The following RAB3GAP1 variants were observed in gnomAD, a reference collection of about 807,000 sequenced individuals.
The protein encoded by RAB3GAP1 is rab3 GTPase-activating protein catalytic subunit.
A neutral mutation model predicts 130.7 loss-of-function variants in RAB3GAP1; 86 were observed. That is an observed-to-expected ratio of 0.66 (90% CI 0.55 to 0.79). The LOEUF (loss-of-function observed/expected upper bound fraction) is 0.79, where lower values mean the gene tolerates loss of function less well. Among genes scored for constraint, RAB3GAP1 ranks in the 30% least tolerant of loss-of-function variants. RAB3GAP1 has a pLI of 0.00. For missense variants in RAB3GAP1, 1,029 were observed against 1,169.4 expected (o/e 0.88, Z 1.75); for synonymous variants, 367 against 401.7 (o/e 0.91, Z 1.03).
rs974344967 is a variant in RAB3GAP1 at position 135,139,142 on chromosome 2, G to A, written c.1923+3210G>A. ...CATATGAATTCTTCATATTTTAGATGTGAATCTACAGTTATATATATTGTA... is the reference window on the plus strand; with the variant it reads ...CATATGAATTCTTCATATTTTAGATATGAATCTACAGTTATATATATTGTA... On this transcript the variant is annotated intron_variant, in intron 17 of 23. Coordinates refer to ENST00000264158, the MANE Select transcript of RAB3GAP1 (RefSeq NM_012233.3). 9.2e-5 allele frequency among the ~76,000 whole-genome samples: 14 copies of A among 152,212 alleles called. No individual in the cohort carries two copies. The East Asian group carries it at 1.5e-3, about 17-fold the overall frequency.
At chr2:135,085,388 A>G (rs1689945308) in intron 3 of RAB3GAP1, among the ~76,000 whole-genome samples, 1 of 152,206 alleles carries the variant, frequency 6.6e-6, no homozygotes, top group African/African-American at 2.4e-5. Context: ...GAATATTTTA[A>G]GTGGAGGAGG....
chr2:135,062,523 T>G (rs1240452923), intron 3 of RAB3GAP1, among the ~76,000 whole-genome samples: 3 of 152,246 alleles, frequency 2.0e-5, no homozygotes, highest in Admixed American at 6.5e-5. Flanking sequence ...CTTTTGTGTT[T>G]CAATTATGAA....
chr2:135,135,731 T>C lies in RAB3GAP1; in HGVS notation c.1722T>C (p.Ser574=). The change falls in exon 17 of 24, where the codon TCT becomes TCC. Residue 574 remains serine (S), a synonymous_variant. Transcript: ENST00000264158. ...TDKEKGEVGK[S]WDSWSDSEEE... ...AGGAAAAGGGAGAGGTAGGAAAATC[T>C]TGGGATTCCTGGAGTGACAGCGAAG... 1.2e-6 allele frequency: 2 copies of C among 1,614,000 alleles called. No homozygotes were observed. Among genetic ancestry groups the C allele is most frequent in the Non-Finnish European group, 1.7e-6 (2 of 1,179,934 alleles).
At chr2:135,117,774 TCTG>T (rs1691066263) in intron 7 of RAB3GAP1, among the ~76,000 whole-genome samples, 3 of 147,604 alleles carry the variant, frequency 2.0e-5, no homozygotes, top group African/African-American at 2.5e-5. Context: ...TGCTGCTTCT[TCTG>T]CTTCTTCTGC....
intron 3 of RAB3GAP1, among the ~76,000 whole-genome samples, chr2:135,088,758 TG>T (rs1321282777): frequency 6.6e-6 from 1 of 151,768 alleles, no homozygotes; most frequent in African/African-American, 2.4e-5. Flanking sequence ...TTGATGGGGT[TG>T]TTTTTTCTTG....
At chr2:135,060,052 T>C (rs1316960348) in intron 3 of RAB3GAP1, among the ~76,000 whole-genome samples, 1 of 152,178 alleles carries the variant, frequency 6.6e-6, no homozygotes, top group African/African-American at 2.4e-5. Context: ...CCTTTAATTA[T>C]GGAAAATTTC....
chr2:135,146,618 T>G (rs1692001795), intron 17 of RAB3GAP1, among the ~76,000 whole-genome samples: 1 of 152,220 alleles, frequency 6.6e-6, no homozygotes, highest in African/African-American at 2.4e-5. Flanking sequence ...ATATCCTGCA[T>G]CACCATTTAT....
At chr2:135,104,345 A>T (rs567496101) in intron 5 of RAB3GAP1, among the ~76,000 whole-genome samples, 1 of 152,334 alleles carries the variant, frequency 6.6e-6, no homozygotes, top group African/African-American at 2.4e-5. Context: ...GTTTTCAACC[A>T]CAAATTACTA....
Position 135,130,727 on chromosome 2 carries a change from T to G in RAB3GAP1, c.1236+6T>G. On this transcript the variant is annotated splice_donor_region_variant and intron_variant, in intron 13 of 23. Transcript: ENST00000264158. ...TTCTTAATACTATTCTCCTGGTAAC[T>G]AAATGTTCTGTCTTTATAGGTCTAT... 6.2e-7 allele frequency: 1 copy of G among 1,607,284 alleles called. No homozygotes were observed. The highest frequency in any genetic ancestry group is 1.7e-4 in the Middle Eastern group (1 of 6,044).
chr2:135,059,921 T>C (rs576992838), intron 3 of RAB3GAP1, among the ~76,000 whole-genome samples: 16 of 152,296 alleles, frequency 1.1e-4, no homozygotes, highest in Non-Finnish European at 2.1e-4. Flanking sequence ...GGACAGGGAT[T>C]GTTTGGTGTA....
At chr2:135,135,411 C>G (rs1691650312) in intron 16 of RAB3GAP1, 92 bp downstream of exon 16, 1 of 1,444,742 alleles carries the variant, frequency 6.9e-7, no homozygotes, top group Admixed American at 1.7e-5. Flanking sequence ...ATGCTGTTCT[C>G]ATGGTGCTGC....
intron 17 of RAB3GAP1, among the ~76,000 whole-genome samples, chr2:135,148,354 G>C (rs1013855331): frequency 6.6e-6 from 1 of 152,090 alleles, no homozygotes; most frequent in African/African-American, 2.4e-5. Flanking sequence ...ACATACTTCT[G>C]TGTTCCATTT....
intron 7 of RAB3GAP1, among the ~76,000 whole-genome samples, chr2:135,118,973 C>T (rs766290018): frequency 3.5e-4 from 54 of 152,132 alleles, no homozygotes; most frequent in Non-Finnish European, 6.9e-4. Context: ...TTGTCAGTGC[C>T]GCCTTCCACA....
At chr2:135,137,818 TG>T (rs1414568792) in intron 17 of RAB3GAP1, among the ~76,000 whole-genome samples, 13 of 151,870 alleles carry the variant, frequency 8.6e-5, no homozygotes, top group South Asian at 6.2e-4. Context: ...GGTTTTGTTT[TG>T]TTTTTTTTTT....
chr2:135,150,439 C>T lies in RAB3GAP1; in HGVS notation c.1994C>T (p.Ala665Val), dbSNP rs1356703191. 6.2e-7 allele frequency: 1 copy of T among 1,614,178 alleles called. No homozygotes were observed. The highest frequency in any genetic ancestry group is 8.5e-7 in the Non-Finnish European group (1 of 1,180,044). Residue 665 changes from alanine (A) to valine (V), a missense_variant, in exon 18 of 24, where the codon GCA becomes GTA. Physicochemically the swap from Ala to Val is moderately conservative, Grantham distance 64. Coordinates refer to ENST00000264158, the MANE Select transcript of RAB3GAP1 (RefSeq NM_012233.3). ...GTTTTAGCTAAATTAGGTACATCGG[C>T]AGAGGGGGCTCACCTTCGAGCACGC... ...SEVLAKLGTS[A>V]EGAHLRARMQ... is the part of the protein sequence containing the mutation.
chr2:135,072,414 A>G (rs2104843980), intron 3 of RAB3GAP1, among the ~76,000 whole-genome samples: 1 of 152,372 alleles, frequency 6.6e-6, no homozygotes, highest in South Asian at 2.1e-4. Context: ...GCCAGTTATC[A>G]AAAAGGCAAA....
At chr2:135,059,507 ATTT>A (rs946207611) in intron 3 of RAB3GAP1, among the ~76,000 whole-genome samples, 3 of 152,144 alleles carry the variant, frequency 2.0e-5, no homozygotes, top group African/African-American at 7.2e-5. Context: ...TTTTATTATT[ATTT>A]TTTAAATTGA....
chr2:135,057,860 C>CA, intron 2 of RAB3GAP1, 151 bp from the exon 3 acceptor site: 2 of 644,218 alleles, frequency 3.1e-6, no homozygotes, highest in South Asian at 3.7e-5. Context: ...TCTCTTACCC[C>CA]ATATCCATAA....
Position 135,115,271 on chromosome 2 carries a change from G to T in RAB3GAP1, c.538G>T (p.Glu180Ter), listed in dbSNP as rs775686869. 1.2e-6 allele frequency: 2 copies of T among 1,613,240 alleles called. No individual in the cohort carries two copies. Among genetic ancestry groups the T allele is most frequent in the Non-Finnish European group, 1.7e-6 (2 of 1,179,214 alleles). Residue 180 changes from glutamate to a stop codon, truncating the protein, a stop_gained, in exon 7 of 24, where the codon GAA (glutamate) becomes TAA (stop). Transcript: ENST00000264158. LOFTEE classifies it high-confidence loss of function. ...CAAATGGCGAAGAATGTATGTAGGA[G>T]AATGTCAAGGTCCTGGTGTACGAAC... is the stretch of plus-strand genomic sequence containing the variant. ...HHKWRRMYVGECQGPGVRTDF... is the reference protein window; with the variant it reads ...HHKWRRMYVG
Sources: gnomAD v4.1 joint callset for allele counts (sites outside exome capture counted in the v4.1 genomes callset) on GRCh38, gnomAD v4.1.1 for gene constraint, MANE v1.5 for transcripts, NCBI Gene and HGNC (gene_info 2026-07-23, HGNC 2026-07-21) for gene names.